The following IQSEC1 variants were observed in gnomAD, a reference collection of about 807,000 sequenced individuals.
The protein encoded by IQSEC1 is IQ motif and SEC7 domain-containing protein 1.
In IQSEC1, 31 loss-of-function variants were observed where a neutral mutation model predicts 91.0. The ratio of observed to expected loss-of-function variants is 0.34; its 90% CI spans 0.26 to 0.46. The LOEUF is 0.46. IQSEC1 is among the 20% of genes least tolerant of loss of function. The probability of loss-of-function intolerance (pLI) is 1.00; values close to 1 mark genes in which losing one functional copy is unlikely to be tolerated. For missense variants in IQSEC1, 1,388 were observed against 1,575.6 expected, an observed-to-expected ratio of 0.88 and a Z score of 2.02; for synonymous variants, 699 against 662.6, an observed-to-expected ratio of 1.05 and a Z score of -0.84.
chr3:12,947,697 G>C (rs553477200), intron 1 of IQSEC1, among the ~76,000 whole-genome samples: 1 of 152,314 alleles, frequency 6.6e-6, no homozygotes, highest in South Asian at 2.1e-4. Flanking sequence ...CAGAGAGCAC[G>C]TAAGGGCCTG....
At chr3:13,030,238 C>T (rs889867166) in intron 1 of IQSEC1, among the ~76,000 whole-genome samples, 7 of 152,160 alleles carry the variant, frequency 4.6e-5, no homozygotes, top group Non-Finnish European at 8.8e-5. Context: ...GCTGGGATTA[C>T]GGGCATGCAC....
At position 12,924,587 on chromosome 3, in the gene IQSEC1, A is replaced by G; in HGVS notation, c.1724T>C (p.Val575Ala). ...ACCCCCATGCAGAACTTACTCGAGC[A>G]CGTCACGGTTGAACTGCTTCTGCCG... ...GNRQKQFNRD[V>A]LDCVVDEMDF... Residue 575 changes from valine to alanine, a missense_variant, in exon 4 of 14, where the codon GTG (valine) becomes GCG (alanine). This residue lies in a region of IQSEC1 where 1,059 missense variants were observed against 1,317.8 expected (regional missense o/e 0.80). Coordinates refer to ENST00000613206, the MANE Select transcript of IQSEC1 (RefSeq NM_001134382.3). The surrounding 1 kb of genome is among the most constrained non-coding windows in gnomAD (Gnocchi z 6.3). The G allele has an allele frequency of 1.3e-6, 2 of 1,595,672 alleles. No individual in the cohort carries two copies. Among genetic ancestry groups the G allele is most frequent in the Non-Finnish European group, 1.7e-6 (2 of 1,168,510 alleles).
In IQSEC1 at chr3:12,899,732, C is replaced by T; in HGVS notation, c.*1251G>A. The T allele has an allele frequency of 1.0e-6, 1 of 985,412 alleles. No homozygotes were observed. The highest frequency in any genetic ancestry group is 1.2e-6 in the Non-Finnish European group (1 of 829,920). The allele number at this position is 985,412 out of a possible 1,614,324, so 61.0% of individuals were successfully genotyped here. On this transcript the variant is annotated 3_prime_UTR_variant, in exon 14 of 14. Transcript: ENST00000613206. The stretch of plus-strand genomic sequence containing the variant: ...CAAAACGGGAAACACACACACCGCC[C>T]TGGGTTGCTAAACGCTAAAGTCAAC...
At position 12,901,137 on chromosome 3, in the gene IQSEC1, C is replaced by T; in HGVS notation, c.3191G>A (p.Gly1064Glu). 1.3e-6 allele frequency: 2 copies of T among 1,543,154 alleles called. No homozygotes were observed. The highest frequency in any genetic ancestry group is 8.7e-7 in the Non-Finnish European group (1 of 1,145,896). Residue 1064 changes from glycine (G) to glutamate (E), a missense_variant, in exon 14 of 14, where the codon GGG becomes GAG. Gly to Glu is a moderately conservative substitution (Grantham distance 98). This residue lies in a region of IQSEC1 where 329 missense variants were observed against 257.8 expected (regional missense o/e 1.28). Transcript: ENST00000613206. ...HAHQYHHGPH[G>E]GHPAYGAHAH... ...ATGGGCCCCGTAGGCTGGGTGGCCCCCATGGGGGCCGTGGTGGTACTGGTG... is the reference window on the plus strand; with the variant it reads ...ATGGGCCCCGTAGGCTGGGTGGCCCTCATGGGGGCCGTGGTGGTACTGGTG...
chr3:12,905,183 CCA>C (rs1415642797), intron 12 of IQSEC1, among the ~76,000 whole-genome samples: 1 of 152,266 alleles, frequency 6.6e-6, no homozygotes, highest in Admixed American at 6.5e-5. Flanking sequence ...GTGGCTCACA[CCA>C]CACACGTGCT....
chr3:13,043,336 G>A (rs916888843), intron 1 of IQSEC1, among the ~76,000 whole-genome samples: 1 of 152,080 alleles, frequency 6.6e-6, no homozygotes, highest in African/African-American at 2.4e-5. Flanking sequence ...GGCTGGTCCC[G>A]GCGTCTGCTC....
chr3:12,954,071 C>T (rs1056335326), intron 1 of IQSEC1, among the ~76,000 whole-genome samples: 2 of 152,244 alleles, frequency 1.3e-5, no homozygotes, highest in African/African-American at 4.8e-5. Context: ...CAGGGCCACA[C>T]AGCCAAGGCA....
chr3:13,026,977 A>G (rs1341395782), intron 1 of IQSEC1, among the ~76,000 whole-genome samples: 1 of 151,644 alleles, frequency 6.6e-6, no homozygotes, highest in Non-Finnish European at 1.5e-5. Flanking sequence ...TCTGACTCTA[A>G]AGCTAAAGCT....
At chr3:13,256,157 T>C (rs991622662) in intron 1 of IQSEC1, among the ~76,000 whole-genome samples, 20 of 152,148 alleles carry the variant, frequency 1.3e-4, no homozygotes, top group African/African-American at 4.1e-4. Flanking sequence ...TGTGATATCA[T>C]AGGTACAGAG....
chr3:13,136,283 C>G (rs1444960517), intron 2 of IQSEC1, among the ~76,000 whole-genome samples: 3 of 152,242 alleles, frequency 2.0e-5, no homozygotes, highest in Non-Finnish European at 2.9e-5. Flanking sequence ...ACACCACACC[C>G]CAGCCGGCTC....
intron 2 of IQSEC1, among the ~76,000 whole-genome samples, chr3:13,157,464 G>T (rs1430839470): frequency 1.3e-5 from 2 of 152,090 alleles, no homozygotes; most frequent in African/African-American, 4.8e-5. Context: ...GCCATTCAAG[G>T]GTCTCAGGGA....
At chr3:12,975,295 G>C (rs1308440515) in intron 1 of IQSEC1, among the ~76,000 whole-genome samples, 1 of 152,218 alleles carries the variant, frequency 6.6e-6, no homozygotes, top group Non-Finnish European at 1.5e-5. Context: ...GATGCTCATG[G>C]CTTACGGAGG....
chr3:13,187,244 G>A (rs961068872), intron 1 of IQSEC1, among the ~76,000 whole-genome samples: 1 of 152,170 alleles, frequency 6.6e-6, no homozygotes, highest in African/African-American at 2.4e-5. Context: ...CAGTCTAGCT[G>A]GATAGACAGT....
At chr3:13,226,289 C>T (rs1196668050) in intron 1 of IQSEC1, among the ~76,000 whole-genome samples, 1 of 152,196 alleles carries the variant, frequency 6.6e-6, no homozygotes, top group Non-Finnish European at 1.5e-5. Flanking sequence ...TTAGTACTTG[C>T]CTGGCCCTGT....
intron 1 of IQSEC1, among the ~76,000 whole-genome samples, chr3:12,984,162 G>A (rs1410384853): frequency 3.3e-5 from 5 of 152,186 alleles, no homozygotes; most frequent in Non-Finnish European, 7.3e-5. Flanking sequence ...AACTCAAGCC[G>A]CTCCCATGGA....
intron 1 of IQSEC1, among the ~76,000 whole-genome samples, chr3:13,001,354 G>A (rs927870323): frequency 2.6e-5 from 4 of 152,182 alleles, no homozygotes; most frequent in Non-Finnish European, 5.9e-5. Flanking sequence ...TTCCCTATCT[G>A]GAACTCTGCT....
At chr3:13,202,312 G>A (rs1694259120) in intron 1 of IQSEC1, among the ~76,000 whole-genome samples, 1 of 152,176 alleles carries the variant, frequency 6.6e-6, no homozygotes, top group Admixed American at 6.5e-5. Context: ...GTATATATAG[G>A]AAAGAAACGA....
At chr3:13,056,534 A>G (rs62239868) in intron 1 of IQSEC1, among the ~76,000 whole-genome samples, 35,396 of 152,006 alleles carry the variant, frequency 0.23, 4,182 homozygotes, top group Middle Eastern at 0.39. Context: ...TGAGGAAACT[A>G]AGGCTCAGAA....
At chr3:13,186,956 C>T (rs924107379) in intron 1 of IQSEC1, among the ~76,000 whole-genome samples, 26 of 152,014 alleles carry the variant, frequency 1.7e-4, no homozygotes, top group South Asian at 4.2e-4. Context: ...TTCCATGGCC[C>T]GCTCCTTACT....
Sources: gnomAD v4.1 joint callset for allele counts (sites outside exome capture counted in the v4.1 genomes callset) on GRCh38, gnomAD v4.1.1 for gene constraint, gnomAD v4.1.1 regional missense constraint, Gnocchi (gnomAD v3.1) non-coding constraint, MANE v1.5 for transcripts, NCBI Gene and HGNC (gene_info 2026-07-23, HGNC 2026-07-21) for gene names.